The following NDRG3 variants were observed in gnomAD, a reference collection of about 807,000 sequenced individuals.
NDRG3 encodes the protein protein NDRG3.
In NDRG3, 23 loss-of-function variants were observed where a neutral mutation model predicts 57.2. The ratio of observed to expected loss-of-function variants is 0.40; its 90% CI spans 0.29 to 0.57. The LOEUF (loss-of-function observed/expected upper bound fraction) is 0.57. Ranked by LOEUF, NDRG3 falls within the 20% of genes least tolerant of loss-of-function variation. The pLI is 0.42. For synonymous variants in NDRG3, 132 were observed against 162.6 expected, an observed-to-expected ratio of 0.81 and a Z score of 1.43; for missense variants, 384 against 457.3, an observed-to-expected ratio of 0.84 and a Z score of 1.46.
intron 9 of NDRG3, 97 bp from the exon 10 acceptor site, chr20:36,666,489 C>G: frequency 1.2e-6 from 1 of 857,070 alleles, no homozygotes; most frequent in South Asian, 1.4e-5. Flanking sequence ...CCAAATCGTG[C>G]GGCTCATGAT....
At chr20:36,680,242 T>A (rs1238994582) in intron 8 of NDRG3, among the ~76,000 whole-genome samples, 1 of 150,690 alleles carries the variant, frequency 6.6e-6, no homozygotes, top group East Asian at 2.0e-4. Flanking sequence ...ATCCCAGCAG[T>A]TTGGGAGGCC....
chr20:36,710,229 T>C (rs1447484029), intron 2 of NDRG3, among the ~76,000 whole-genome samples: 2 of 151,820 alleles, frequency 1.3e-5, no homozygotes, highest in African/African-American at 4.8e-5. Flanking sequence ...GGGGCTGAGG[T>C]GGGAGGATCA....
At chr20:36,675,338 G>A (rs1249886200) in intron 8 of NDRG3, among the ~76,000 whole-genome samples, 1 of 143,304 alleles carries the variant, frequency 7.0e-6, no homozygotes, top group Non-Finnish European at 1.5e-5. Flanking sequence ...GAGATTACAG[G>A]CATGAGCCAC....
chr20:36,653,490 C>T lies in NDRG3; in HGVS notation c.*30G>A. On this transcript the variant is annotated 3_prime_UTR_variant, in exon 16 of 16. Coordinates refer to ENST00000349004, the MANE Select transcript of NDRG3 (RefSeq NM_032013.4). The surrounding 1 kb of genome is among the most constrained non-coding windows in gnomAD (Gnocchi z 4.2). The stretch of plus-strand genomic sequence containing the variant: ...ATGGAGTGGTCATTTGAAGGATGGA[C>T]TTGCAATGGTCCAGGGGAGGAGCAT... The T allele has an allele frequency of 1.2e-6, 2 of 1,600,950 alleles. No homozygotes were observed. The highest frequency in any genetic ancestry group is 1.7e-6 in the Non-Finnish European group (2 of 1,170,616).
intron 2 of NDRG3, among the ~76,000 whole-genome samples, chr20:36,715,006 G>GTATA (rs545495779): frequency 2.4e-3 from 65 of 26,684 alleles, no homozygotes; most frequent in South Asian, 3.8e-3. Flanking sequence ...GTGTGTGTGT[G>GTATA]TATATATATA....
intron 3 of NDRG3, among the ~76,000 whole-genome samples, chr20:36,705,264 T>G (rs1033839955): frequency 6.8e-6 from 1 of 147,724 alleles, no homozygotes; most frequent in Non-Finnish European, 1.5e-5. Flanking sequence ...GAGGCTGCAG[T>G]GAGCCAGTAT....
At chr20:36,699,683 G>A (rs182893283) in intron 3 of NDRG3, among the ~76,000 whole-genome samples, 160 of 152,016 alleles carry the variant, frequency 1.1e-3, no homozygotes, top group African/African-American at 3.7e-3. Flanking sequence ...GGTGGTGGTG[G>A]TGGTGGTAGG....
At chr20:36,706,422 A>G (rs1273427426) in intron 3 of NDRG3, among the ~76,000 whole-genome samples, 1 of 152,218 alleles carries the variant, frequency 6.6e-6, no homozygotes, top group Non-Finnish European at 1.5e-5. Flanking sequence ...AATCACAAAG[A>G]AACAGCTCTA....
chr20:36,677,629 G>A (rs1163680867), intron 8 of NDRG3, among the ~76,000 whole-genome samples: 2 of 152,216 alleles, frequency 1.3e-5, no homozygotes, highest in African/African-American at 4.8e-5. Context: ...GAGAGCTTCA[G>A]AGACCTGCAG....
intron 12 of NDRG3, among the ~76,000 whole-genome samples, chr20:36,661,294 G>C (rs182518907): frequency 8.5e-5 from 13 of 152,270 alleles, no homozygotes; most frequent in Admixed American, 7.2e-4. Context: ...CTGATATCGT[G>C]CACCCTTGTG....
chr20:36,660,600 G>A (rs1226130677), intron 12 of NDRG3, among the ~76,000 whole-genome samples: 2 of 149,012 alleles, frequency 1.3e-5, no homozygotes, highest in Admixed American at 6.7e-5. Context: ...TCGCTCTGTC[G>A]CCCAGGCTGG....
At chr20:36,659,653 T>G (rs1441033736) in intron 13 of NDRG3, among the ~76,000 whole-genome samples, 1 of 152,060 alleles carries the variant, frequency 6.6e-6, no homozygotes, top group East Asian at 2.0e-4. Context: ...CAGGCTAGAG[T>G]GCAGTGGTGC....
intron 3 of NDRG3, among the ~76,000 whole-genome samples, chr20:36,697,039 G>C (rs1012939907): frequency 6.6e-6 from 1 of 152,108 alleles, no homozygotes; most frequent in East Asian, 1.9e-4. Context: ...AAGTTCTGGG[G>C]TTCTGGGTGG....
At chr20:36,666,551 C>A (rs951046994) in intron 9 of NDRG3, among the ~76,000 whole-genome samples, 159 bp from the exon 10 acceptor site, 4 of 152,152 alleles carry the variant, frequency 2.6e-5, no homozygotes, top group African/African-American at 7.2e-5. Flanking sequence ...GGCTGAATGA[C>A]TGATTATTTG....
intron 1 of NDRG3, among the ~76,000 whole-genome samples, chr20:36,728,213 C>A (rs1985062614): frequency 6.6e-6 from 1 of 151,992 alleles, no homozygotes; most frequent in South Asian, 2.1e-4. Context: ...GCCACAACGC[C>A]CGGCTAATTT....
At chr20:36,720,893 A>G (rs1213661681) in intron 2 of NDRG3, among the ~76,000 whole-genome samples, 5 of 150,962 alleles carry the variant, frequency 3.3e-5, no homozygotes, top group African/African-American at 1.2e-4. Flanking sequence ...CTCCTGCCTC[A>G]GCCTCCCGAG....
intron 13 of NDRG3, 90 bp downstream of exon 13, chr20:36,660,247 G>C: frequency 6.8e-6 from 7 of 1,027,412 alleles, no homozygotes; most frequent in Non-Finnish European, 8.8e-6. Context: ...AGAGAGGGAA[G>C]CTTTGCTCCT....
At chr20:36,673,830 C>T (rs1028979444) in intron 8 of NDRG3, among the ~76,000 whole-genome samples, 3 of 152,062 alleles carry the variant, frequency 2.0e-5, no homozygotes, top group African/African-American at 7.2e-5. Context: ...TTTGGCCGGG[C>T]GCAGTAGCTC....
chr20:36,682,485 A>C, intron 7 of NDRG3, 33 bp downstream of exon 7: 1 of 1,588,028 alleles, frequency 6.3e-7, no homozygotes, highest in South Asian at 1.1e-5. Context: ...GCACTGCCTC[A>C]AGGATGTTGA....
Sources: allele counts gnomAD v4.1 joint callset (sites outside exome capture counted in the v4.1 genomes callset), GRCh38; gene constraint gnomAD v4.1.1; non-coding constraint Gnocchi (gnomAD v3.1); transcripts MANE v1.5; gene names NCBI Gene and HGNC (gene_info 2026-07-23, HGNC 2026-07-21).